Variants in LNX1 observed in about 807,000 individuals in gnomAD.
LNX1 encodes the protein ligand of numb-protein X 1.
A neutral mutation model predicts 68.4 loss-of-function variants in LNX1; 54 were observed. The ratio of observed to expected loss-of-function variants is 0.79; its 90% CI spans 0.63 to 0.99. The LOEUF (loss-of-function observed/expected upper bound fraction) is 0.99. LNX1 is among the 50% of genes least tolerant of loss of function. LNX1 has a pLI of 0.00. For synonymous variants in LNX1, 336 were observed against 350.0 expected (o/e 0.96, Z 0.45); for missense variants, 906 against 926.4 (o/e 0.98, Z 0.29).
intron 2 of LNX1, among the ~76,000 whole-genome samples, chr4:53,568,978 G>T (rs1577729428): frequency 1.3e-5 from 2 of 151,312 alleles, no homozygotes; most frequent in African/African-American, 4.9e-5. Context: ...CCTCTTCAAG[G>T]AGAACTACAA....
chr4:53,503,452 C>T (rs181600291), intron 4 of LNX1, among the ~76,000 whole-genome samples: 18 of 152,276 alleles, frequency 1.2e-4, no homozygotes, highest in East Asian at 5.8e-4. Context: ...ATTACTCTTG[C>T]GTCTCCATCG....
At chr4:53,616,067 C>T (rs1173939836) in intron 2 of LNX1, among the ~76,000 whole-genome samples, 2 of 152,168 alleles carry the variant, frequency 1.3e-5, no homozygotes, top group East Asian at 1.9e-4. Context: ...TTCCAAGACT[C>T]TTGTAACCAT....
At chr4:53,493,783 T>A (rs1175377000) in intron 6 of LNX1, among the ~76,000 whole-genome samples, 1 of 152,228 alleles carries the variant, frequency 6.6e-6, no homozygotes, top group Non-Finnish European at 1.5e-5. Flanking sequence ...GAAGTTGACA[T>A]AGACTTGCTG....
chr4:53,516,629 G>T (rs572952459), intron 2 of LNX1, among the ~76,000 whole-genome samples: 3 of 152,308 alleles, frequency 2.0e-5, no homozygotes, highest in Admixed American at 1.3e-4. Flanking sequence ...TGCATGGCAG[G>T]TGCCAGGAAT....
intron 2 of LNX1, among the ~76,000 whole-genome samples, chr4:53,521,815 T>A (rs1236305956): frequency 1.3e-5 from 2 of 152,134 alleles, no homozygotes; most frequent in Non-Finnish European, 2.9e-5. Context: ...ACTCTTTGGT[T>A]ACTGCTCTGC....
chr4:53,490,851 G>A (rs984684151), intron 6 of LNX1, among the ~76,000 whole-genome samples: 1 of 152,276 alleles, frequency 6.6e-6, no homozygotes, highest in Non-Finnish European at 1.5e-5. Context: ...AACGGCATGC[G>A]ATTGCTTAGC....
At chr4:53,570,664 TAATAAATA>T (rs200529974) in intron 2 of LNX1, among the ~76,000 whole-genome samples, 121 of 143,732 alleles carry the variant, frequency 8.4e-4, no homozygotes, top group African/African-American at 2.3e-3. Flanking sequence ...TAAAGTATAA[TAATAAATA>T]AATAAATAAA....
At chr4:53,628,795 A>G (rs931741465) in intron 1 of LNX1, among the ~76,000 whole-genome samples, 24 of 152,000 alleles carry the variant, frequency 1.6e-4, no homozygotes, top group African/African-American at 5.3e-4. Flanking sequence ...CTACTCAGCC[A>G]TAAAAAGAAA....
chr4:53,492,683 G>A (rs1404989396), intron 6 of LNX1, among the ~76,000 whole-genome samples: 1 of 152,122 alleles, frequency 6.6e-6, no homozygotes, highest in African/African-American at 2.4e-5. Flanking sequence ...AAAATGGGTT[G>A]GGGGAGCAAG....
intron 9 of LNX1, among the ~76,000 whole-genome samples, chr4:53,469,827 T>C (rs878863161): frequency 4.6e-5 from 7 of 152,062 alleles, no homozygotes; most frequent in Non-Finnish European, 8.8e-5. Flanking sequence ...AATAACAGGC[T>C]CTGAAATTGA....
At chr4:53,540,658 G>A (rs1728693799) in intron 2 of LNX1, among the ~76,000 whole-genome samples, 1 of 151,488 alleles carries the variant, frequency 6.6e-6, no homozygotes, top group South Asian at 2.1e-4. Flanking sequence ...CTCCAGCCTG[G>A]GCAACAAGCA....
chr4:53,593,367 G>C (rs1732601513), upstream of LNX1, among the ~76,000 whole-genome samples: 1 of 152,206 alleles, frequency 6.6e-6, no homozygotes, highest in African/African-American at 2.4e-5. Flanking sequence ...TCAAGGCCTT[G>C]GGTGGGCAGG....
chr4:53,563,062 C>T (rs1206512618), intron 2 of LNX1, among the ~76,000 whole-genome samples: 13 of 151,948 alleles, frequency 8.6e-5, no homozygotes, highest in African/African-American at 1.7e-4. Context: ...AAAAATTAGC[C>T]GGGCATGGTG....
intron 2 of LNX1, among the ~76,000 whole-genome samples, chr4:53,513,095 A>G (rs978777330): frequency 6.9e-4 from 47 of 68,054 alleles, no homozygotes; most frequent in Non-Finnish European, 1.3e-3. Context: ...CATCTTAACC[A>G]TACCAACAAT....
chr4:53,644,874 C>CG (rs1734824199), intron 1 of LNX1, among the ~76,000 whole-genome samples: 2 of 152,106 alleles, frequency 1.3e-5, no homozygotes, highest in African/African-American at 4.8e-5. Flanking sequence ...GATGTGGTAA[C>CG]AGGGAGGAGG....
At chr4:53,534,787 T>C (rs1227217239) in intron 2 of LNX1, among the ~76,000 whole-genome samples, 3 of 152,226 alleles carry the variant, frequency 2.0e-5, no homozygotes, top group Non-Finnish European at 4.4e-5. Context: ...CAAGAGTCAA[T>C]GATTTGTGCT....
chr4:53,646,727 A>T (rs1413563771), intron 1 of LNX1, among the ~76,000 whole-genome samples: 1 of 152,230 alleles, frequency 6.6e-6, no homozygotes, highest in African/African-American at 2.4e-5. Context: ...ATGTGGGGCC[A>T]TTGTTCTACT....
intron 1 of LNX1, among the ~76,000 whole-genome samples, chr4:53,590,741 C>A (rs1268827373): frequency 6.6e-6 from 1 of 152,180 alleles, no homozygotes; most frequent in East Asian, 1.9e-4. Context: ...CAGCAGGCAG[C>A]CAGTCCAGGT....
At position 53,520,057 on chromosome 4, in the gene LNX1, C is replaced by A. The variant is rs560226897; in HGVS notation, c.381-11830G>T. Among the ~76,000 whole-genome samples the A allele has an allele frequency of 2.6e-5, 4 of 152,266 alleles. 1 individual carries two copies. The East Asian group carries it at 7.7e-4, about 29-fold the overall frequency. The stretch of plus-strand genomic sequence containing the variant: ...TCTTTTTCCTTTGTGGATGTTCTGT[C>A]CCCACGTTTAGTAGAAACAGAAGCT... On this transcript the variant is annotated intron_variant, in intron 2 of 10. Coordinates refer to ENST00000263925, the MANE Select transcript of LNX1 (RefSeq NM_001126328.3).
Sources: allele counts gnomAD v4.1 joint callset (sites outside exome capture counted in the v4.1 genomes callset), GRCh38; gene constraint gnomAD v4.1.1; transcripts MANE v1.5; gene names NCBI Gene and HGNC (gene_info 2026-07-23, HGNC 2026-07-21).